PKHD1: variants seen among roughly 807,000 people sequenced by gnomAD.
The protein encoded by PKHD1 is PKHD1 ciliary IPT domain containing fibrocystin/polyductin.
A neutral mutation model predicts 412.0 loss-of-function variants in PKHD1; 291 were observed. The observed-to-expected ratio is 0.71, with a 90% CI of 0.64 to 0.78. The LOEUF (loss-of-function observed/expected upper bound fraction) is 0.78, where lower values mean the gene tolerates loss of function less well. Among genes scored for constraint, PKHD1 ranks in the 30% least tolerant of loss-of-function variants. The pLI is 0.00. For missense variants in PKHD1, 4,825 were observed against 4,950.7 expected (o/e 0.97, Z 0.76); for synonymous variants, 1,777 against 1,821.5 (o/e 0.98, Z 0.62).
chr6:51,689,345 C>G (rs1010338591), intron 60 of PKHD1, among the ~76,000 whole-genome samples: 1 of 152,072 alleles, frequency 6.6e-6, no homozygotes, highest in African/African-American at 2.4e-5. Context: ...AGGAACATAC[C>G]TCAAAATAAT....
rs556183247 is a variant in PKHD1, at chr6:51,962,323, T to C, written c.5752-2297A>G. Among the ~76,000 whole-genome samples the C allele has an allele frequency of 6.6e-5, 10 of 152,260 alleles. No individual in the cohort carries two copies. The South Asian group carries it at 1.9e-3, about 28-fold the overall frequency. ...ACTAGACATTAGTTAGATATTTAAGTGGGTCAAAGGTAGACTATTTCATGG... is the reference window on the plus strand; with the variant it reads ...ACTAGACATTAGTTAGATATTTAAGCGGGTCAAAGGTAGACTATTTCATGG... On this transcript the variant is annotated intron_variant, in intron 35 of 66. Transcript: ENST00000371117.
intron 28 of PKHD1, among the ~76,000 whole-genome samples, chr6:52,035,153 T>C (rs1803734494): frequency 6.6e-6 from 1 of 152,190 alleles, no homozygotes; most frequent in South Asian, 2.1e-4. Context: ...TTCTTAGAAA[T>C]CACACACTCT....
chr6:51,924,297 A>C (rs1785181756), intron 37 of PKHD1, among the ~76,000 whole-genome samples: 1 of 149,116 alleles, frequency 6.7e-6, no homozygotes, highest in African/African-American at 2.5e-5. Flanking sequence ...AAAAAATGAA[A>C]ATCTACACCA....
intron 49 of PKHD1, among the ~76,000 whole-genome samples, chr6:51,850,772 C>T (rs1423755177): frequency 6.6e-6 from 1 of 152,082 alleles, no homozygotes; most frequent in Non-Finnish European, 1.5e-5. Flanking sequence ...GCTGAAGTTG[C>T]TTATCAGTTC....
chr6:51,754,995 T>C (rs1786723556), intron 55 of PKHD1, 57 bp from the exon 56 acceptor site: 3 of 1,436,782 alleles, frequency 2.1e-6, no homozygotes, highest in Non-Finnish European at 2.9e-6. Flanking sequence ...AAATCATCTA[T>C]TAACTCCAGA....
Position 52,048,781 on chromosome 6 carries a change from G to A in PKHD1, c.2280-162C>T, listed in dbSNP as rs935950549. On this transcript the variant is annotated intron_variant, in intron 22 of 66. Coordinates refer to ENST00000371117, the MANE Select transcript of PKHD1 (RefSeq NM_138694.4). ...GGGAGTTTTCAGGACCACTCGATGT[G>A]AGAATCATTTCAGAGTAACTTAATT... Among the ~76,000 whole-genome samples the A allele has an allele frequency of 2.2e-4, 33 of 152,234 alleles. 1 individual carries two copies. The highest frequency in any genetic ancestry group is 7.7e-4 in the African/African-American group (32 of 41,468).
At chr6:51,696,400 C>T (rs9367446) in intron 60 of PKHD1, among the ~76,000 whole-genome samples, 18,439 of 152,038 alleles carry the variant, frequency 0.12, 1,692 homozygotes, top group East Asian at 0.31. Context: ...GCAAGGTTCA[C>T]GAGAGCCATC....
chr6:51,630,122 T>C (rs1186549027), intron 65 of PKHD1, among the ~76,000 whole-genome samples: 1 of 152,140 alleles, frequency 6.6e-6, no homozygotes, highest in East Asian at 1.9e-4. Context: ...TCAAAGTATA[T>C]GATGAGACTG....
intron 64 of PKHD1, among the ~76,000 whole-genome samples, chr6:51,638,141 A>G (rs1298355429): frequency 2.0e-5 from 3 of 152,226 alleles, no homozygotes; most frequent in Admixed American, 2.0e-4. Flanking sequence ...TGCAAATGAT[A>G]TCTGTAAACA....
At chr6:51,681,435 TAA>T (rs973605679) in intron 60 of PKHD1, among the ~76,000 whole-genome samples, 2 of 152,084 alleles carry the variant, frequency 1.3e-5, no homozygotes, top group Non-Finnish European at 2.9e-5. Context: ...TGCCACCTTG[TAA>T]AGTCTGTTTT....
chr6:51,778,782 T>C (rs1791489116), intron 53 of PKHD1, among the ~76,000 whole-genome samples: 1 of 152,160 alleles, frequency 6.6e-6, no homozygotes, highest in East Asian at 1.9e-4. Context: ...AGTATAATCC[T>C]AGTTTGCACT....
rs148360192 is a variant in PKHD1 at position 51,856,509 on chromosome 6, T to G, written c.7734-439A>C. On this transcript the variant is annotated intron_variant, in intron 48 of 66. Coordinates refer to ENST00000371117, the MANE Select transcript of PKHD1 (RefSeq NM_138694.4). ...ACAAAGAAATGTCTATGGCCAGAAT[T>G]TTGCCTTGGACCAGATTTATCAACA... is the stretch of plus-strand genomic sequence containing the variant. Among the ~76,000 whole-genome samples the G allele has an allele frequency of 2.4e-3, 360 of 152,314 alleles. 1 individual carries two copies. The highest frequency in any genetic ancestry group is 8.3e-3 in the African/African-American group (344 of 41,572).
chr6:52,065,514 C>G (rs1809556278), intron 12 of PKHD1, among the ~76,000 whole-genome samples: 1 of 152,034 alleles, frequency 6.6e-6, no homozygotes, highest in Non-Finnish European at 1.5e-5. Context: ...GCTACAGGAC[C>G]TGGCAAAACA....
intron 35 of PKHD1, among the ~76,000 whole-genome samples, chr6:51,983,487 T>C (rs987726033): frequency 1.3e-5 from 2 of 151,992 alleles, no homozygotes; most frequent in Non-Finnish European, 2.9e-5. Context: ...CTCCTAAAAC[T>C]CAAAGAAACA....
At chr6:51,855,602 G>A (rs537389258) in intron 49 of PKHD1, among the ~76,000 whole-genome samples, 1 of 152,264 alleles carries the variant, frequency 6.6e-6, no homozygotes, top group Admixed American at 6.5e-5. Flanking sequence ...ATGTGTAGAG[G>A]TTGTTTCTCA....
chr6:51,961,470 A>G (rs1339968871), intron 35 of PKHD1, among the ~76,000 whole-genome samples: 1 of 152,092 alleles, frequency 6.6e-6, no homozygotes, highest in African/African-American at 2.4e-5. Flanking sequence ...AGAATAGGTG[A>G]TCCAGGAGCA....
rs1802460706 is a variant in PKHD1 at position 52,027,912 on chromosome 6, A to C, written c.3561-16T>G. 1 of 1,596,660 alleles carries C rather than the reference A, an allele frequency of 6.3e-7. No homozygotes were observed. The highest frequency in any genetic ancestry group is 8.6e-7 in the Non-Finnish European group (1 of 1,164,144). ...GAGATCAACCCTACAGAAGATAGGCAGATGTTTAGGAAATAACTGACAGAG... is the reference window on the plus strand; with the variant it reads ...GAGATCAACCCTACAGAAGATAGGCCGATGTTTAGGAAATAACTGACAGAG... On this transcript the variant is annotated splice_polypyrimidine_tract_variant and intron_variant, in intron 30 of 66. Coordinates refer to ENST00000371117, the MANE Select transcript of PKHD1 (RefSeq NM_138694.4).
intron 63 of PKHD1, among the ~76,000 whole-genome samples, chr6:51,640,304 C>T (rs1306428368): frequency 1.3e-5 from 2 of 152,262 alleles, no homozygotes; most frequent in Admixed American, 6.5e-5. Flanking sequence ...CGCCAAATTG[C>T]CTAATGGAAA....
rs1169659195 is a variant in PKHD1 at position 51,746,850 on chromosome 6, T to C, written c.9869A>G (p.Asp3290Gly). ...TGGTAGAATGCAGACATCCAGGTCA[T>C]CGCTATAGCAACTCTTCACAAAACT... ...FSSFVKSCYS[D>G]DLDVCILPNA... is the part of the protein sequence containing the mutation. Residue 3290 changes from aspartate (D) to glycine (G), a missense_variant, in exon 59 of 67, where the codon GAT (aspartate) becomes GGT (glycine). Transcript: ENST00000371117. The C allele has an allele frequency of 5.0e-6, 8 of 1,610,654 alleles. No individual in the cohort carries two copies. The highest frequency in any genetic ancestry group is 6.8e-6 in the Non-Finnish European group (8 of 1,177,344).
Sources: gnomAD v4.1 joint callset for allele counts (sites outside exome capture counted in the v4.1 genomes callset) on GRCh38, gnomAD v4.1.1 for gene constraint, MANE v1.5 for transcripts, NCBI Gene and HGNC (gene_info 2026-07-23, HGNC 2026-07-21) for gene names.